Variants in ERBB4 observed in about 807,000 individuals in gnomAD.
ERBB4 encodes erb-b2 receptor tyrosine kinase 4, also known as receptor tyrosine-protein kinase erbB-4.
Under a neutral mutation model 158.0 loss-of-function variants are expected in ERBB4, and 42 were observed. That is an observed-to-expected ratio of 0.27 (90% confidence interval 0.21 to 0.34). The LOEUF is 0.34. Among genes scored for constraint, ERBB4 ranks in the 10% least tolerant of loss-of-function variants. The pLI is 1.00. For missense variants in ERBB4, 1,333 were observed against 1,624.1 expected, an observed-to-expected ratio of 0.82 and a Z score of 3.08; for synonymous variants, 583 against 558.7, an observed-to-expected ratio of 1.04 and a Z score of -0.61.
At chr2:212,296,354 A>G (rs1430327445) in intron 1 of ERBB4, among the ~76,000 whole-genome samples, 1 of 151,958 alleles carries the variant, frequency 6.6e-6, no homozygotes, top group Non-Finnish European at 1.5e-5. Context: ...TCAAGGAGAA[A>G]GTAGAGGGTG....
At chr2:211,779,984 A>C (rs2075993760) in intron 4 of ERBB4, among the ~76,000 whole-genome samples, 1 of 152,154 alleles carries the variant, frequency 6.6e-6, no homozygotes, top group Admixed American at 6.5e-5. Context: ...ACTTTCCATG[A>C]CCACGCCCTT....
At chr2:212,470,366 T>C (rs1689056040) in intron 1 of ERBB4, among the ~76,000 whole-genome samples, 1 of 152,114 alleles carries the variant, frequency 6.6e-6, no homozygotes, top group Non-Finnish European at 1.5e-5. Flanking sequence ...AGGAACCTAT[T>C]TTCTGCTTAC....
chr2:211,729,812 C>T (rs886940454), intron 5 of ERBB4, among the ~76,000 whole-genome samples: 1 of 151,874 alleles, frequency 6.6e-6, no homozygotes, highest in Middle Eastern at 3.2e-3. Context: ...TATTTCATTA[C>T]ATTTTTTTCC....
At chr2:211,890,631 A>C (rs567552526) in intron 3 of ERBB4, among the ~76,000 whole-genome samples, 8,746 of 137,058 alleles carry the variant, frequency 0.064, 410 homozygotes, top group Non-Finnish European at 0.092. Context: ...AAGAGTCAAG[A>C]CCCATCAGTG....
rs34323414 is a variant in ERBB4 at position 211,816,540 on chromosome 2, C to CAA, written c.422-28383_422-28382dup. Among the ~76,000 whole-genome samples, 631 of 64,818 alleles carry CAA rather than the reference C, an allele frequency of 9.7e-3. 5 individuals are homozygous for CAA. Among genetic ancestry groups the CAA allele is most frequent in the Middle Eastern group, 0.02 (2 of 100 alleles). The allele number at this position is 64,818 out of a possible 152,430, so 42.5% of individuals were successfully genotyped here. Reference sequence around the variant, plus strand: ...TGGGTGACAGAGCGAGAGCCCGTCTCAAAAAAAAAAAAAAAAAAAAAAAGA... The same window carrying CAA: ...TGGGTGACAGAGCGAGAGCCCGTCTCAAAAAAAAAAAAAAAAAAAAAAAAAGA... On this transcript the variant is annotated intron_variant, in intron 3 of 27. Coordinates refer to ENST00000342788, the MANE Select transcript of ERBB4 (RefSeq NM_005235.3).
chr2:211,473,594 C>A (rs2064883429), intron 20 of ERBB4, among the ~76,000 whole-genome samples: 1 of 151,972 alleles, frequency 6.6e-6, no homozygotes, highest in African/African-American at 2.4e-5. Context: ...TTTTCCCATA[C>A]TATAAGGATT....
chr2:211,925,463 C>T (rs547032357), intron 3 of ERBB4, among the ~76,000 whole-genome samples: 2 of 142,812 alleles, frequency 1.4e-5, no homozygotes, highest in East Asian at 4.2e-4. Flanking sequence ...CTCACTGCAA[C>T]CTCTGCCTTC....
At chr2:211,635,695 T>G (rs1488415114) in intron 16 of ERBB4, among the ~76,000 whole-genome samples, 1 of 152,280 alleles carries the variant, frequency 6.6e-6, no homozygotes, top group South Asian at 2.1e-4. Context: ...TTTAATGTTA[T>G]AAGGACTGGC....
rs71054124 is a variant in ERBB4, at chr2:211,669,216, C to CAA, written c.1717-3741_1717-3740dup. On this transcript the variant is annotated intron_variant, in intron 14 of 27. Transcript: ENST00000342788. ...ACAGTCTGGGCGACAGAGTGAGTCT[C>CAA]AAAAAAAAAAAAAAAAAAAAAAGAA... is the stretch of plus-strand genomic sequence containing the variant. Among the ~76,000 whole-genome samples the CAA allele has an allele frequency of 5.2e-3, 289 of 55,650 alleles. 5 individuals are homozygous for CAA. Among genetic ancestry groups the CAA allele is most frequent in the Non-Finnish European group, 5.2e-3 (147 of 28,240 alleles). The allele number at this position is 55,650 out of a possible 152,430, so 36.5% of individuals were successfully genotyped here.
intron 1 of ERBB4, among the ~76,000 whole-genome samples, chr2:212,269,460 T>C (rs1027838482): frequency 3.3e-5 from 5 of 151,818 alleles, no homozygotes; most frequent in Non-Finnish European, 7.4e-5. Context: ...TCCACATCCA[T>C]CAAAAGCATG....
chr2:212,454,833 A>G (rs1199262387), intron 1 of ERBB4, among the ~76,000 whole-genome samples: 1 of 152,038 alleles, frequency 6.6e-6, no homozygotes, highest in Non-Finnish European at 1.5e-5. Flanking sequence ...GTTGGACTCA[A>G]TTTTTGTGAA....
intron 1 of ERBB4, among the ~76,000 whole-genome samples, chr2:212,239,320 G>C (rs1451971730): frequency 6.6e-6 from 1 of 152,188 alleles, no homozygotes; most frequent in Admixed American, 6.5e-5. Context: ...TGAGATGACA[G>C]GCATGACCCA....
At chr2:211,866,947 T>TG (rs1460435937) in intron 3 of ERBB4, among the ~76,000 whole-genome samples, 1 of 142,302 alleles carries the variant, frequency 7.0e-6, no homozygotes, top group African/African-American at 2.6e-5. Context: ...TGTCTCTGTA[T>TG]GGGGGAGCTT....
Position 211,679,189 on chromosome 2 carries a change from G to A in ERBB4, c.1490-5C>T, listed in dbSNP as rs1484990292. The A allele has an allele frequency of 1.2e-6, 2 of 1,613,534 alleles. No homozygotes were observed. The highest frequency in any genetic ancestry group is 4.5e-5 in the East Asian group (2 of 44,832). ...TGCACACCATTCCTTCAGCAGCTGTGAAACACCAAAATCAAGGGGAAATAA... is the reference window on the plus strand; with the variant it reads ...TGCACACCATTCCTTCAGCAGCTGTAAAACACCAAAATCAAGGGGAAATAA... On this transcript the variant is annotated splice_polypyrimidine_tract_variant and splice_region_variant and intron_variant, in intron 12 of 27. Transcript: ENST00000342788.
At chr2:212,483,155 C>T (rs964141374) in intron 1 of ERBB4, among the ~76,000 whole-genome samples, 1 of 152,196 alleles carries the variant, frequency 6.6e-6, no homozygotes, top group Non-Finnish European at 1.5e-5. Context: ...ACTCTCAAAG[C>T]AAAGGTCGTA....
At chr2:212,129,398 T>A (rs2080038751) in intron 1 of ERBB4, among the ~76,000 whole-genome samples, 1 of 151,262 alleles carries the variant, frequency 6.6e-6, no homozygotes. Context: ...TCTACATATA[T>A]AAAAAGGTAT....
At chr2:211,720,087 C>T (rs1424625613) in intron 7 of ERBB4, among the ~76,000 whole-genome samples, 1 of 152,114 alleles carries the variant, frequency 6.6e-6, no homozygotes, top group African/African-American at 2.4e-5. Context: ...CAGCGATGAG[C>T]AGGAGGTGCT....
intron 2 of ERBB4, among the ~76,000 whole-genome samples, chr2:211,960,252 T>A (rs929510798): frequency 6.6e-6 from 1 of 152,102 alleles, no homozygotes; most frequent in African/African-American, 2.4e-5. Flanking sequence ...CAAAAACTAC[T>A]AAGTTCATGT....
chr2:211,698,974 C>T (rs906832716), intron 12 of ERBB4, among the ~76,000 whole-genome samples: 2 of 152,174 alleles, frequency 1.3e-5, no homozygotes, highest in East Asian at 1.9e-4. Context: ...AAATTTTTGA[C>T]TTAAAAGAGT....
Sources: allele counts gnomAD v4.1 joint callset (sites outside exome capture counted in the v4.1 genomes callset), GRCh38; gene constraint gnomAD v4.1.1; transcripts MANE v1.5; gene names NCBI Gene and HGNC (gene_info 2026-07-23, HGNC 2026-07-21).